COMMD1: variants seen among roughly 807,000 people sequenced by gnomAD.
COMMD1 encodes COMM domain-containing protein 1.
Under a neutral mutation model 17.2 loss-of-function variants are expected in COMMD1, and 10 were observed. The observed-to-expected ratio is 0.58, with a 90% CI of 0.36 to 0.99. The LOEUF is 0.99. Ranked by LOEUF, COMMD1 falls within the 50% of genes least tolerant of loss-of-function variation. COMMD1 has a pLI of 0.01. For synonymous variants in COMMD1, 97 were observed against 91.6 expected (o/e 1.06, Z -0.34); for missense variants, 270 against 231.8 (o/e 1.17, Z -1.07).
At chr2:62,105,087 T>G (rs939859603) in intron 2 of COMMD1, among the ~76,000 whole-genome samples, 2 of 147,810 alleles carry the variant, frequency 1.4e-5, no homozygotes. Flanking sequence ...ATCGCACCAT[T>G]GCACTCCAGC....
chr2:62,099,357 T>C (rs1256411918), intron 2 of COMMD1, among the ~76,000 whole-genome samples: 1 of 152,212 alleles, frequency 6.6e-6, no homozygotes, highest in Non-Finnish European at 1.5e-5. Flanking sequence ...CTCAGTTTTC[T>C]AATCTAGCAC....
At chr2:62,131,465 C>T (rs1334033136) in intron 2 of COMMD1, among the ~76,000 whole-genome samples, 1 of 152,184 alleles carries the variant, frequency 6.6e-6, no homozygotes, top group Non-Finnish European at 1.5e-5. Context: ...GTACCTTCTG[C>T]CTCTGGCTTG....
At chr2:62,006,411 A>C (rs1007603009) in intron 2 of COMMD1, among the ~76,000 whole-genome samples, 1 of 152,150 alleles carries the variant, frequency 6.6e-6, no homozygotes, top group Non-Finnish European at 1.5e-5. Context: ...TCTAAATCAC[A>C]GTATATATTG....
rs1439127424 is a variant in COMMD1, at chr2:61,913,783, G to A, written c.180+7925G>A. ...TGCACTCCAGCCTGGGCAACAGAGCGAGACTCCATCTCCAAAAAAAAAAAA... is the reference window on the plus strand; with the variant it reads ...TGCACTCCAGCCTGGGCAACAGAGCAAGACTCCATCTCCAAAAAAAAAAAA... On this transcript the variant is annotated intron_variant, in intron 1 of 2. Coordinates refer to ENST00000311832, the MANE Select transcript of COMMD1 (RefSeq NM_152516.4). Among the ~76,000 whole-genome samples, 20 of 104,988 alleles carry A rather than the reference G, an allele frequency of 1.9e-4. 1 individual carries two copies. In the South Asian group the frequency reaches 3.1e-3, roughly 16 times the overall value. The allele number at this position is 104,988 out of a possible 152,430, so 68.9% of individuals were successfully genotyped here. A position where few individuals can be genotyped will look rare whatever the true frequency, so the allele number is the denominator to read the frequency against.
chr2:61,945,855 A>G (rs374563555), intron 1 of COMMD1, among the ~76,000 whole-genome samples: 35 of 152,316 alleles, frequency 2.3e-4, no homozygotes, highest in Admixed American at 3.3e-4. Flanking sequence ...GTCTGGGTTA[A>G]GACAAGGGAT....
intron 1 of COMMD1, among the ~76,000 whole-genome samples, chr2:61,911,351 T>G (rs181710313): frequency 9.9e-5 from 15 of 151,764 alleles, no homozygotes; most frequent in African/African-American, 3.6e-4. Flanking sequence ...CAGCAGGTGC[T>G]TATAATCCCA....
intron 2 of COMMD1, among the ~76,000 whole-genome samples, chr2:62,042,348 C>G (rs997636650): frequency 1.7e-4 from 26 of 152,128 alleles, no homozygotes; most frequent in Non-Finnish European, 2.9e-5. Flanking sequence ...GGTGCATTTA[C>G]AATTCTTTAG....
intron 1 of COMMD1, among the ~76,000 whole-genome samples, chr2:61,995,296 C>G (rs1416675265): frequency 6.6e-6 from 1 of 152,122 alleles, no homozygotes; most frequent in Non-Finnish European, 1.5e-5. Context: ...TCCCAGTTAC[C>G]TAGCCTTTAG....
chr2:62,065,817 T>G (rs1264224601), intron 2 of COMMD1, among the ~76,000 whole-genome samples: 1 of 152,230 alleles, frequency 6.6e-6, no homozygotes, highest in Non-Finnish European at 1.5e-5. Context: ...GATGTTTCTG[T>G]GTAATTTAGG....
intron 1 of COMMD1, among the ~76,000 whole-genome samples, chr2:61,969,577 A>G (rs1011662034): frequency 6.6e-6 from 1 of 152,136 alleles, no homozygotes; most frequent in Non-Finnish European, 1.5e-5. Flanking sequence ...TACTGTGAGT[A>G]TTTTTTGTGG....
intron 1 of COMMD1, among the ~76,000 whole-genome samples, chr2:61,890,568 C>T (rs1572934476): frequency 6.6e-6 from 1 of 151,940 alleles, no homozygotes; most frequent in African/African-American, 2.4e-5. Flanking sequence ...GGGCCTGGCT[C>T]AGTAGCTCAC....
At chr2:61,929,319 G>A (rs141681209) in intron 1 of COMMD1, among the ~76,000 whole-genome samples, 7 of 152,264 alleles carry the variant, frequency 4.6e-5, no homozygotes, top group African/African-American at 7.2e-5. Flanking sequence ...TTCTTTGGGC[G>A]TTCCCGGCTC....
chr2:62,018,464 A>G (rs896999913), intron 2 of COMMD1, among the ~76,000 whole-genome samples: 1 of 152,250 alleles, frequency 6.6e-6, no homozygotes, highest in African/African-American at 2.4e-5. Context: ...ATTAAATCCA[A>G]GCTACCACTA....
chr2:62,107,912 T>TA (rs1227751548), intron 2 of COMMD1, among the ~76,000 whole-genome samples: 2 of 152,180 alleles, frequency 1.3e-5, no homozygotes, highest in South Asian at 2.1e-4. Flanking sequence ...TTAAAGGTTA[T>TA]AAAAAACTCT....
At chr2:62,116,166 C>T (rs916221633) in intron 2 of COMMD1, among the ~76,000 whole-genome samples, 3 of 151,966 alleles carry the variant, frequency 2.0e-5, no homozygotes, top group South Asian at 4.1e-4. Flanking sequence ...TTTTTATGTG[C>T]TTGAAATTAT....
chr2:62,134,383 G>A (rs1673128636), intron 2 of COMMD1, among the ~76,000 whole-genome samples: 1 of 152,048 alleles, frequency 6.6e-6, no homozygotes. Flanking sequence ...CAAGGCAATT[G>A]GATTATATGC....
At chr2:61,891,151 T>C (rs1305114675) in intron 1 of COMMD1, among the ~76,000 whole-genome samples, 1 of 152,172 alleles carries the variant, frequency 6.6e-6, no homozygotes, top group African/African-American at 2.4e-5. Context: ...AGATGATCTC[T>C]AGGGGCTTAC....
intron 1 of COMMD1, among the ~76,000 whole-genome samples, chr2:61,926,784 CTTCCTTT>C (rs1670339293): frequency 1.3e-5 from 2 of 152,060 alleles, no homozygotes; most frequent in Non-Finnish European, 2.9e-5. Context: ...CCTACCTGTT[CTTCCTTT>C]TATTCCCCCC....
chr2:61,929,139 A>G lies in COMMD1; in HGVS notation c.180+23281A>G, dbSNP rs1670400369. Among the ~76,000 whole-genome samples the G allele has an allele frequency of 3.3e-5, 5 of 152,232 alleles. No individual in the cohort carries two copies. The South Asian group carries it at 1.0e-3, about 31-fold the overall frequency. ...TGTTCTTCTGAAAACATTTTATCTGAATTACATGTCCGAGATAACTGTTTC... is the reference window on the plus strand; with the variant it reads ...TGTTCTTCTGAAAACATTTTATCTGGATTACATGTCCGAGATAACTGTTTC... On this transcript the variant is annotated intron_variant, in intron 1 of 2. Coordinates refer to ENST00000311832, the MANE Select transcript of COMMD1 (RefSeq NM_152516.4).
Sources: allele counts gnomAD v4.1 joint callset (sites outside exome capture counted in the v4.1 genomes callset), GRCh38; gene constraint gnomAD v4.1.1; transcripts MANE v1.5; gene names NCBI Gene and HGNC (gene_info 2026-07-23, HGNC 2026-07-21).